ROBO1: variants seen among roughly 807,000 people sequenced by gnomAD.
ROBO1 encodes the protein roundabout guidance receptor 1, also known as roundabout homolog 1.
A neutral mutation model predicts 195.9 loss-of-function variants in ROBO1; 149 were observed. The observed-to-expected ratio is 0.76, with a 90% CI of 0.67 to 0.87. The LOEUF (loss-of-function observed/expected upper bound fraction) is 0.87. Among genes scored for constraint, ROBO1 ranks in the 40% least tolerant of loss-of-function variants. The probability of loss-of-function intolerance (pLI) is 0.00; values close to 1 mark genes in which losing one functional copy is unlikely to be tolerated. For missense variants in ROBO1, 1,933 were observed against 2,068.3 expected (o/e 0.93, Z 1.27); for synonymous variants, 816 against 733.2 (o/e 1.11, Z -1.82).
intron 3 of ROBO1, among the ~76,000 whole-genome samples, chr3:79,100,071 C>A (rs535103869): frequency 1.4e-3 from 214 of 151,752 alleles, no homozygotes; most frequent in Non-Finnish European, 2.1e-3. Flanking sequence ...AATATATGGC[C>A]AAGACAAAAC....
chr3:78,855,760 G>C (rs902517442), intron 4 of ROBO1, among the ~76,000 whole-genome samples: 3 of 151,730 alleles, frequency 2.0e-5, no homozygotes, highest in African/African-American at 4.8e-5. Flanking sequence ...CTGTTTTAAA[G>C]ATCATTAAAC....
intron 2 of ROBO1, among the ~76,000 whole-genome samples, chr3:79,286,605 C>T (rs1232969815): frequency 6.6e-6 from 1 of 152,082 alleles, no homozygotes; most frequent in Non-Finnish European, 1.5e-5. Flanking sequence ...ATTGAAACTC[C>T]CATGTGTTCA....
At chr3:79,148,210 C>T (rs2080693767) in intron 2 of ROBO1, among the ~76,000 whole-genome samples, 1 of 151,732 alleles carries the variant, frequency 6.6e-6, no homozygotes, top group South Asian at 2.1e-4. Context: ...AATGGAAGCA[C>T]AATAGGAACA....
intron 5 of ROBO1, among the ~76,000 whole-genome samples, chr3:78,737,287 A>G (rs114219028): frequency 0.013 from 2,038 of 152,278 alleles, 45 homozygotes; most frequent in African/African-American, 0.046. Flanking sequence ...ATACATTTAT[A>G]TCATCTTCTT....
At chr3:79,128,999 T>G (rs1433162908) in intron 2 of ROBO1, among the ~76,000 whole-genome samples, 3 of 152,190 alleles carry the variant, frequency 2.0e-5, no homozygotes, top group Non-Finnish European at 4.4e-5. Context: ...TATCTTCATC[T>G]GAGTCCAAGG....
chr3:79,510,201 C>T (rs1028264879), intron 2 of ROBO1, among the ~76,000 whole-genome samples: 1 of 152,094 alleles, frequency 6.6e-6, no homozygotes, highest in Non-Finnish European at 1.5e-5. Context: ...TGGGAGGCAC[C>T]GGATAGGAGG....
At chr3:79,602,227 A>G (rs1163678276) in intron 1 of ROBO1, among the ~76,000 whole-genome samples, 2 of 152,034 alleles carry the variant, frequency 1.3e-5, no homozygotes, top group Non-Finnish European at 2.9e-5. Flanking sequence ...AAATAATGCT[A>G]TAGTAAGAGA....
chr3:78,713,678 T>C (rs115855139), intron 8 of ROBO1, among the ~76,000 whole-genome samples: 1,690 of 152,276 alleles, frequency 0.011, 13 homozygotes, highest in Non-Finnish European at 0.017. Flanking sequence ...TTCTGGATTA[T>C]GGATGGAAAA....
intron 8 of ROBO1, among the ~76,000 whole-genome samples, chr3:78,705,129 G>A (rs2081518751): frequency 6.6e-6 from 1 of 152,172 alleles, no homozygotes; most frequent in Non-Finnish European, 1.5e-5. Flanking sequence ...AGGAAATTTA[G>A]CAGCATTGAA....
intron 4 of ROBO1, among the ~76,000 whole-genome samples, chr3:78,866,624 T>C (rs1473556048): frequency 1.3e-5 from 2 of 152,326 alleles, no homozygotes; most frequent in African/African-American, 4.8e-5. Context: ...TAAATTTGCA[T>C]AGTAGTCCAG....
chr3:79,092,891 T>C (rs2079505047), intron 3 of ROBO1, among the ~76,000 whole-genome samples: 2 of 152,174 alleles, frequency 1.3e-5, no homozygotes, highest in South Asian at 4.1e-4. Flanking sequence ...TTATCATTAT[T>C]TTCTTGATTC....
intron 3 of ROBO1, among the ~76,000 whole-genome samples, chr3:78,950,096 C>A (rs371214477): frequency 3.4e-4 from 52 of 152,144 alleles, no homozygotes; most frequent in East Asian, 1.6e-3. Flanking sequence ...TGTGGAAGTC[C>A]GTGTGGCGAT....
chr3:79,311,723 G>A (rs1413170630), intron 2 of ROBO1, among the ~76,000 whole-genome samples: 1 of 152,102 alleles, frequency 6.6e-6, no homozygotes, highest in Non-Finnish European at 1.5e-5. Context: ...GTATTTGCTA[G>A]ATTCAGCTTT....
chr3:79,539,881 A>G (rs1942001168), intron 2 of ROBO1, among the ~76,000 whole-genome samples: 1 of 152,058 alleles, frequency 6.6e-6, no homozygotes, highest in African/African-American at 2.4e-5. Flanking sequence ...TGATTTTATG[A>G]TGTAGACTAT....
chr3:79,515,965 A>G (rs888853046), intron 2 of ROBO1, among the ~76,000 whole-genome samples: 3 of 152,204 alleles, frequency 2.0e-5, no homozygotes, highest in African/African-American at 7.2e-5. Context: ...TACTGTGCAT[A>G]TATAGCCTGA....
intron 4 of ROBO1, among the ~76,000 whole-genome samples, chr3:78,773,491 A>T (rs1480314717): frequency 1.3e-5 from 2 of 152,186 alleles, no homozygotes; most frequent in Admixed American, 6.5e-5. Flanking sequence ...GTTGCCTAAA[A>T]GAGATTTAAA....
At chr3:78,730,045 C>A (rs2082252471) in intron 5 of ROBO1, among the ~76,000 whole-genome samples, 1 of 152,036 alleles carries the variant, frequency 6.6e-6, no homozygotes, top group African/African-American at 2.4e-5. Context: ...CTAAGACAGC[C>A]TGAAATAAAA....
intron 3 of ROBO1, among the ~76,000 whole-genome samples, chr3:79,090,305 A>G (rs2079454777): frequency 6.6e-6 from 1 of 151,914 alleles, no homozygotes; most frequent in African/African-American, 2.4e-5. Flanking sequence ...CTTTCTATTT[A>G]TTTGTTTTTG....
chr3:78,846,546 T>G (rs2033684980), intron 4 of ROBO1, among the ~76,000 whole-genome samples: 1 of 152,146 alleles, frequency 6.6e-6, no homozygotes, highest in African/African-American at 2.4e-5. Flanking sequence ...AAAAAGCATT[T>G]AAGCCTATTG....
Sources: gnomAD v4.1 joint callset for allele counts (sites outside exome capture counted in the v4.1 genomes callset) on GRCh38, gnomAD v4.1.1 for gene constraint, MANE v1.5 for transcripts, NCBI Gene and HGNC (gene_info 2026-07-23, HGNC 2026-07-21) for gene names.